The following CRACD variants were observed in gnomAD, a reference collection of about 807,000 sequenced individuals.
The protein encoded by CRACD is capping protein-inhibiting regulator of actin dynamics.
Under a neutral mutation model 106.8 loss-of-function variants are expected in CRACD, and 56 were observed. The observed-to-expected ratio is 0.52, with a 90% CI of 0.42 to 0.66. The LOEUF (loss-of-function observed/expected upper bound fraction) is 0.66. Among genes scored for constraint, CRACD ranks in the 30% least tolerant of loss-of-function variants. The pLI, the probability that CRACD is intolerant of heterozygous loss-of-function variation, is 0.00. For synonymous variants in CRACD, 754 were observed against 670.8 expected (o/e 1.12, Z -1.92); for missense variants, 1,730 against 1,623.2 (o/e 1.07, Z -1.13).
At chr4:56,154,143 C>A (rs186004755) in intron 1 of CRACD, among the ~76,000 whole-genome samples, 58 of 152,222 alleles carry the variant, frequency 3.8e-4, no homozygotes, top group African/African-American at 1.4e-3. Flanking sequence ...GGATCTGCAG[C>A]CTTTTTGAGG....
At chr4:56,098,974 C>T (rs142804857) in intron 1 of CRACD, among the ~76,000 whole-genome samples, 67 of 152,268 alleles carry the variant, frequency 4.4e-4, no homozygotes, top group Admixed American at 1.3e-3. Context: ...CCATGGTGCC[C>T]AGCCCGGGAT....
At chr4:56,282,278 C>T (rs1433755088) in intron 3 of CRACD, among the ~76,000 whole-genome samples, 1 of 152,168 alleles carries the variant, frequency 6.6e-6, no homozygotes, top group Non-Finnish European at 1.5e-5. Context: ...TCCCAAATTA[C>T]ATGATTCTTG....
intron 1 of CRACD, among the ~76,000 whole-genome samples, chr4:56,178,809 A>G (rs1736692632): frequency 1.3e-5 from 2 of 152,226 alleles, no homozygotes; most frequent in African/African-American, 4.8e-5. Flanking sequence ...AGGCAGCTTT[A>G]GAAGGGATTG....
intron 2 of CRACD, among the ~76,000 whole-genome samples, chr4:56,251,778 C>T (rs1367079541): frequency 6.6e-6 from 1 of 152,168 alleles, no homozygotes; most frequent in Non-Finnish European, 1.5e-5. Flanking sequence ...TTTTTGCATA[C>T]AATGCTTTTG....
chr4:56,321,512 A>G (rs1577916356), intron 8 of CRACD, among the ~76,000 whole-genome samples: 2 of 152,360 alleles, frequency 1.3e-5, no homozygotes, highest in Admixed American at 1.3e-4. Flanking sequence ...GTGTTTAGCC[A>G]GAATCAGAAT....
intron 2 of CRACD, among the ~76,000 whole-genome samples, chr4:56,188,711 C>CACACACACACAGAGAGAGAGAG (rs1446016845): frequency 3.5e-5 from 4 of 113,108 alleles, no homozygotes; most frequent in African/African-American, 1.2e-4. Flanking sequence ...CACACACACA[C>CACACACACACAGAGAGAGAGAG]AGAGAGAGAG....
chr4:56,122,381 A>G lies in CRACD; in HGVS notation c.-335-56903A>G, dbSNP rs1242862869. On this transcript the variant is annotated intron_variant, in intron 1 of 10. Transcript: ENST00000682029. ...TCAGGAAAAGCAGGGAAGGGGAAAA[A>G]GAAGCAAAAAATTTGCAAAAATTAA... Among the ~76,000 whole-genome samples the G allele has an allele frequency of 1.3e-5, 2 of 152,106 alleles. 1 individual carries two copies. The highest frequency in any genetic ancestry group is 4.1e-4 in the South Asian group (2 of 4,824).
rs769794579 is a variant in CRACD, at chr4:56,316,039, G to T, written c.2537G>T (p.Gly846Val). ...GGAGAGGAAAAAGCCTCACCGTTTG[G>T]AATAAAATTGAGAAGGACCAACTAT... ...PGGEEKASPF[G>V]IKLRRTNYSL... Residue 846 changes from glycine to valine, a missense_variant, in exon 8 of 11, where the codon GGA becomes GTA. Coordinates refer to ENST00000682029, the MANE Select transcript of CRACD (RefSeq NM_001393381.1). The T allele has an allele frequency of 6.2e-7, 1 of 1,614,214 alleles. No homozygotes were observed. Among genetic ancestry groups the T allele is most frequent in the Middle Eastern group, 1.6e-4 (1 of 6,062 alleles).
At position 56,284,674 on chromosome 4, in the gene CRACD, G is replaced by A. The variant is rs944282495; in HGVS notation, c.-17+12182G>A. On this transcript the variant is annotated intron_variant, in intron 3 of 10. Coordinates refer to ENST00000682029, the MANE Select transcript of CRACD (RefSeq NM_001393381.1). Reference sequence around the variant, plus strand: ...CAGAAGATGGAGGTTGCAGTGAGCCGAGATGGTGCCACTGCACCCCAGCCT... The same window carrying A: ...CAGAAGATGGAGGTTGCAGTGAGCCAAGATGGTGCCACTGCACCCCAGCCT... 5.2e-4 allele frequency among the ~76,000 whole-genome samples: 79 copies of A among 152,126 alleles called. 4 individuals are homozygous for A. Among genetic ancestry groups the A allele is most frequent in the African/African-American group, 2.4e-5 (1 of 41,424 alleles).
intron 2 of CRACD, among the ~76,000 whole-genome samples, chr4:56,181,500 C>T (rs1736818941): frequency 6.6e-6 from 1 of 152,220 alleles, no homozygotes; most frequent in African/African-American, 2.4e-5. Context: ...ACACAAAATA[C>T]ATACATTAGG....
intron 2 of CRACD, among the ~76,000 whole-genome samples, chr4:56,183,207 T>C (rs1247190733): frequency 7.5e-6 from 1 of 133,234 alleles, no homozygotes; most frequent in Non-Finnish European, 1.6e-5. Flanking sequence ...CACTCCAGCC[T>C]GGGCTACAAG....
intron 1 of CRACD, among the ~76,000 whole-genome samples, chr4:56,124,462 C>T (rs913265094): frequency 4.6e-5 from 7 of 152,130 alleles, no homozygotes; most frequent in Non-Finnish European, 7.3e-5. Context: ...GAACAGGACT[C>T]TTTTAAAATA....
At chr4:56,173,068 T>C (rs1206112370) in intron 1 of CRACD, among the ~76,000 whole-genome samples, 1 of 152,234 alleles carries the variant, frequency 6.6e-6, no homozygotes, top group African/African-American at 2.4e-5. Flanking sequence ...CACCCAGCCT[T>C]TCTGACTGTT....
At chr4:56,173,342 A>G (rs1736455779) in intron 1 of CRACD, among the ~76,000 whole-genome samples, 1 of 152,252 alleles carries the variant, frequency 6.6e-6, no homozygotes, top group African/African-American at 2.4e-5. Context: ...TTCTTGAATT[A>G]CAAATTGTTA....
intron 10 of CRACD, among the ~76,000 whole-genome samples, chr4:56,326,628 A>AAG (rs1746464973): frequency 6.6e-6 from 1 of 152,224 alleles, no homozygotes; most frequent in Admixed American, 6.5e-5. Context: ...ACACTCTGAT[A>AAG]AAGTGATACG....
intron 2 of CRACD, among the ~76,000 whole-genome samples, chr4:56,224,798 A>C (rs989590713): frequency 1.6e-4 from 24 of 152,332 alleles, no homozygotes; most frequent in African/African-American, 5.8e-4. Context: ...AGTTTACCAC[A>C]TAGTGTCTTT....
At chr4:56,317,313 G>A (rs991445724) in intron 8 of CRACD, among the ~76,000 whole-genome samples, 2 of 152,194 alleles carry the variant, frequency 1.3e-5, no homozygotes, top group African/African-American at 4.8e-5. Context: ...TTAGAGGCTG[G>A]TGTGGGATTC....
At chr4:56,270,767 G>A (rs1000361191) in intron 2 of CRACD, among the ~76,000 whole-genome samples, 2 of 152,058 alleles carry the variant, frequency 1.3e-5, no homozygotes, top group Non-Finnish European at 2.9e-5. Flanking sequence ...TCTTAGAGCC[G>A]TGGTACATAG....
rs1400284543 is a variant in CRACD, at chr4:56,062,601, G to C, written c.-336+13302G>C. ...TTTAAACTGATTTCCTGCAAATTCT[G>C]TCCACAGTGTTGGGAAGCTAGAGTG... On this transcript the variant is annotated intron_variant, in intron 1 of 10. Transcript: ENST00000682029. 5.3e-5 allele frequency among the ~76,000 whole-genome samples: 8 copies of C among 152,316 alleles called. No homozygotes were observed. The East Asian group carries it at 1.5e-3, about 29-fold the overall frequency.
Sources: allele counts gnomAD v4.1 joint callset (sites outside exome capture counted in the v4.1 genomes callset), GRCh38; gene constraint gnomAD v4.1.1; transcripts MANE v1.5; gene names NCBI Gene and HGNC (gene_info 2026-07-23, HGNC 2026-07-21).